Variants in ADAMTS17 observed in about 807,000 individuals in gnomAD.
The protein encoded by ADAMTS17 is A disintegrin and metalloproteinase with thrombospondin motifs 17.
In ADAMTS17, 113 loss-of-function variants were observed where a neutral mutation model predicts 141.5. The ratio of observed to expected loss-of-function variants is 0.80; its 90% CI spans 0.69 to 0.93. The LOEUF is 0.93. ADAMTS17 is among the 40% of genes least tolerant of loss of function. The pLI is 0.00. For missense variants in ADAMTS17, 1,659 were observed against 1,517.9 expected (o/e 1.09, Z -1.54); for synonymous variants, 768 against 630.6 (o/e 1.22, Z -3.27).
intron 19 of ADAMTS17, among the ~76,000 whole-genome samples, chr15:99,995,978 A>C (rs2060793490): frequency 6.6e-6 from 1 of 152,034 alleles, no homozygotes; most frequent in African/African-American, 2.4e-5. Context: ...AGAGATCTTC[A>C]GGGCTGTAAT....
chr15:100,107,662 G>T (rs961493996), intron 14 of ADAMTS17, among the ~76,000 whole-genome samples: 5 of 152,084 alleles, frequency 3.3e-5, no homozygotes, highest in African/African-American at 1.2e-4. Context: ...CCCCATAAAA[G>T]AGACTCACAA....
At chr15:100,132,176 G>A in intron 11 of ADAMTS17, 24 bp from the exon 12 acceptor site, 1 of 1,610,436 alleles carries the variant, frequency 6.2e-7, no homozygotes, top group South Asian at 1.1e-5. Flanking sequence ...GGGAGGGTCG[G>A]GGCCCAGGCA....
chr15:100,315,891 G>A (rs8038093), intron 3 of ADAMTS17, among the ~76,000 whole-genome samples: 91,299 of 152,166 alleles, frequency 0.6, 29,438 homozygotes, highest in African/African-American at 0.84. Context: ...AGGGAACCAC[G>A]GGGGCAGAGG....
chr15:100,301,974 T>C (rs2045055834), intron 3 of ADAMTS17, among the ~76,000 whole-genome samples: 1 of 152,232 alleles, frequency 6.6e-6, no homozygotes, highest in Non-Finnish European at 1.5e-5. Flanking sequence ...ACAGTTGTTT[T>C]CAGTGTATTC....
At chr15:100,156,300 A>T (rs1320927878) in intron 8 of ADAMTS17, among the ~76,000 whole-genome samples, 1 of 152,178 alleles carries the variant, frequency 6.6e-6, no homozygotes, top group Non-Finnish European at 1.5e-5. Flanking sequence ...TTGTTGCCTA[A>T]TGGTGGTGTC....
chr15:100,093,408 G>A (rs1000997038), intron 15 of ADAMTS17, among the ~76,000 whole-genome samples: 1 of 152,052 alleles, frequency 6.6e-6, no homozygotes, highest in African/African-American at 2.4e-5. Context: ...TCACCGTTAA[G>A]GGTGATAAGG....
chr15:100,101,426 A>C (rs887834923), intron 14 of ADAMTS17, among the ~76,000 whole-genome samples: 13 of 152,244 alleles, frequency 8.5e-5, no homozygotes, highest in African/African-American at 3.1e-4. Context: ...AATGTGATCA[A>C]CAAATACCTG....
At chr15:100,066,604 G>T (rs1393516753) in intron 15 of ADAMTS17, among the ~76,000 whole-genome samples, 2 of 152,248 alleles carry the variant, frequency 1.3e-5, no homozygotes, top group Non-Finnish European at 2.9e-5. Flanking sequence ...TTGGCTTTGA[G>T]AAATGGTGTT....
Position 100,017,365 on chromosome 15 carries a change from C to A in ADAMTS17, c.2592-19776G>T, listed in dbSNP as rs369764896. Among the ~76,000 whole-genome samples the A allele has an allele frequency of 2.5e-4, 38 of 152,322 alleles. No homozygotes were observed. In the East Asian group the frequency reaches 6.8e-3, roughly 27 times the overall value. On this transcript the variant is annotated intron_variant, in intron 18 of 21. Coordinates refer to ENST00000268070, the MANE Select transcript of ADAMTS17 (RefSeq NM_139057.4). Reference sequence around the variant, plus strand: ...CTGCACACTGGATTTGTGCCCTCCCCCCAAGTTCTGGCCAGGAGGCTTCTT... The same window carrying A: ...CTGCACACTGGATTTGTGCCCTCCCACCAAGTTCTGGCCAGGAGGCTTCTT...
intron 15 of ADAMTS17, among the ~76,000 whole-genome samples, chr15:100,073,655 T>C (rs2141750121): frequency 6.7e-6 from 1 of 150,278 alleles, no homozygotes; most frequent in South Asian, 2.1e-4. Flanking sequence ...CAACAAACTA[T>C]CACAAGGACA....
intron 18 of ADAMTS17, among the ~76,000 whole-genome samples, chr15:100,033,474 A>G (rs1371961187): frequency 6.6e-6 from 1 of 152,142 alleles, no homozygotes; most frequent in Non-Finnish European, 1.5e-5. Flanking sequence ...CTGAGAGCAG[A>G]ATGGGTTGGA....
chr15:100,142,023 T>C (rs2038681121), intron 10 of ADAMTS17, among the ~76,000 whole-genome samples: 1 of 152,194 alleles, frequency 6.6e-6, no homozygotes, highest in South Asian at 2.1e-4. Context: ...AGATGAGCAG[T>C]TTCCTAACTA....
Position 100,109,105 on chromosome 15 carries a change from C to T in ADAMTS17, c.1900G>A (p.Glu634Lys), listed in dbSNP as rs865955763. The T allele has an allele frequency of 6.2e-7, 1 of 1,612,622 alleles. No individual in the cohort carries two copies. The highest frequency in any genetic ancestry group is 8.5e-7 in the Non-Finnish European group (1 of 1,179,358). The change falls in exon 14 of 22, where the codon GAA becomes AAA. Residue 634 changes from glutamate to lysine, a missense_variant. By Grantham distance (56) the Glu-to-Lys change is moderately conservative (BLOSUM62 1). Transcript: ENST00000268070. The stretch of plus-strand genomic sequence containing the variant: ...TTCCCGAGGGGCGAGCAGTAGAGTT[C>T]ACATGGCTTATCTGAGGAGGGAAAG... ...TAVVVDDKPC[E>K]LYCSPLGKES...
chr15:100,221,107 T>C (rs1281511523), intron 7 of ADAMTS17, among the ~76,000 whole-genome samples: 4 of 152,312 alleles, frequency 2.6e-5, no homozygotes, highest in African/African-American at 9.6e-5. Context: ...TGATTTCCAA[T>C]TTAATACCAC....
intron 7 of ADAMTS17, among the ~76,000 whole-genome samples, chr15:100,226,760 G>C (rs1462464137): frequency 6.6e-6 from 1 of 152,206 alleles, no homozygotes; most frequent in Non-Finnish European, 1.5e-5. Context: ...TTATACATGG[G>C]AGTGATGGGA....
At chr15:100,272,588 G>C (rs962097746) in intron 4 of ADAMTS17, among the ~76,000 whole-genome samples, 1 of 48,708 alleles carries the variant, frequency 2.1e-5, no homozygotes, top group African/African-American at 8.2e-5. Context: ...CTCTCTCTCT[G>C]TGTGTGTAAG....
intron 3 of ADAMTS17, among the ~76,000 whole-genome samples, chr15:100,310,667 A>C (rs1429231563): frequency 6.6e-6 from 1 of 152,160 alleles, no homozygotes; most frequent in Non-Finnish European, 1.5e-5. Flanking sequence ...ACCACCACCA[A>C]AGCCGACCAC....
intron 18 of ADAMTS17, among the ~76,000 whole-genome samples, chr15:100,045,613 G>A (rs1018197934): frequency 6.6e-6 from 1 of 152,144 alleles, no homozygotes; most frequent in African/African-American, 2.4e-5. Flanking sequence ...TGAGATATAT[G>A]CAGAATTTGG....
At chr15:100,314,330 T>C (rs1308993089) in intron 3 of ADAMTS17, among the ~76,000 whole-genome samples, 1 of 152,242 alleles carries the variant, frequency 6.6e-6, no homozygotes, top group African/African-American at 2.4e-5. Flanking sequence ...GCGTATTAGA[T>C]AACAGTATTG....
Sources: allele counts gnomAD v4.1 joint callset (sites outside exome capture counted in the v4.1 genomes callset), GRCh38; gene constraint gnomAD v4.1.1; transcripts MANE v1.5; gene names NCBI Gene and HGNC (gene_info 2026-07-23, HGNC 2026-07-21).